The following CIZ1 variants were observed in gnomAD, a reference collection of about 807,000 sequenced individuals.
CIZ1 encodes CDKN1A interacting zinc finger protein 1.
Under a neutral mutation model 118.6 loss-of-function variants are expected in CIZ1, and 58 were observed. That is an observed-to-expected ratio of 0.49 (90% CI 0.40 to 0.61). CIZ1 has a LOEUF of 0.61. CIZ1 is among the 20% of genes least tolerant of loss of function. The probability of loss-of-function intolerance (pLI) is 0.00; values close to 1 mark genes in which losing one functional copy is unlikely to be tolerated. For missense variants in CIZ1, 921 were observed against 1,115.9 expected (o/e 0.83, Z 2.49); for synonymous variants, 448 against 443.4 (o/e 1.01, Z -0.13).
chr9:128,177,867 A>C (rs1324959763), intron 9 of CIZ1, 104 bp from the exon 10 acceptor site: 14 of 805,700 alleles, frequency 1.7e-5, no homozygotes, highest in Non-Finnish European at 2.6e-5. Flanking sequence ...CTTCCTGATG[A>C]TAGGGAAACT....
rs1831163494 is a variant in CIZ1, at chr9:128,178,575, C to G, written c.1499-85G>C. 2.5e-6 allele frequency: 4 copies of G among 1,604,066 alleles called. No homozygotes were observed. In the African/African-American group the frequency reaches 5.4e-5, roughly 22 times the overall value. On this transcript the variant is annotated intron_variant, in intron 8 of 16. Transcript: ENST00000372938. The stretch of plus-strand genomic sequence containing the variant: ...GTCCGCAGCCAGAACCTTGAGGCCC[C>G]CAGCATGGATGGCCCTGGACCTGGG...
chr9:128,191,755 C>T (rs919280418), upstream of CIZ1: 4 of 1,397,766 alleles, frequency 2.9e-6, no homozygotes, highest in African/African-American at 3.0e-5. This position sits in a 1 kb window ranked among gnomAD's most constrained non-coding sequence, Gnocchi z 5.5. Context: ...TCCTCCGCAT[C>T]GCGAAGGGGA....
intron 10 of CIZ1, 43 bp from the exon 11 acceptor site, chr9:128,176,518 C>T (rs774792813): frequency 5.6e-6 from 9 of 1,593,512 alleles, no homozygotes; most frequent in Non-Finnish European, 7.7e-6. Context: ...GGCGTGAGCC[C>T]AGAACAGTGG....
At chr9:128,192,676 G>A (rs1251686890), upstream of CIZ1, among the ~76,000 whole-genome samples, 1 of 152,186 alleles carries the variant, frequency 6.6e-6, no homozygotes, top group African/African-American at 2.4e-5. Flanking sequence ...CAGAATACCT[G>A]GGACTACAGG....
chr9:128,186,519 G>A (rs953751259), intron 4 of CIZ1, among the ~76,000 whole-genome samples: 20 of 152,130 alleles, frequency 1.3e-4, no homozygotes, highest in African/African-American at 4.6e-4. Flanking sequence ...TCCTTTGCCT[G>A]AATTCCAGCC....
intron 11 of CIZ1, 31 bp from the exon 12 acceptor site, chr9:128,170,138 G>A (rs758893781): frequency 2.1e-5 from 33 of 1,587,860 alleles, no homozygotes; most frequent in Non-Finnish European, 2.7e-5. Context: ...CAAGTACAAT[G>A]TGACGCCAGA....
At chr9:128,185,810 A>G in intron 4 of CIZ1, 34 bp from the exon 5 acceptor site, 1 of 1,498,210 alleles carries the variant, frequency 6.7e-7, no homozygotes, top group Non-Finnish European at 9.3e-7. Context: ...GAGGGGTCAC[A>G]ATGTGGTCGG....
chr9:128,191,573 G>A, upstream of CIZ1: 8 of 1,122,752 alleles, frequency 7.1e-6, no homozygotes, highest in Non-Finnish European at 6.5e-6. This position sits in a 1 kb window ranked among gnomAD's most constrained non-coding sequence, Gnocchi z 5.5. Context: ...GGCTCGTAAG[G>A]CCCAAATGCG....
At chr9:128,182,918 C>A (rs1831866393) in intron 5 of CIZ1, among the ~76,000 whole-genome samples, 1 of 152,096 alleles carries the variant, frequency 6.6e-6, no homozygotes, top group Non-Finnish European at 1.5e-5. Flanking sequence ...GTCATTGCAC[C>A]CGGCCTCCAC....
chr9:128,190,955 C>T (rs1833062570), intron 1 of CIZ1, 93 bp from the exon 2 acceptor site: 5 of 1,454,726 alleles, frequency 3.4e-6, no homozygotes, highest in Non-Finnish European at 4.5e-6. Context: ...AGCCACAGCC[C>T]GCAGAGACTG....
rs1018830112 is a variant in CIZ1, at chr9:128,203,423, G to C, written c.-6+763C>G. 7.1e-7 allele frequency: 1 copy of C among 1,403,444 alleles called. No individual in the cohort carries two copies. The highest frequency in any genetic ancestry group is 9.3e-7 in the Non-Finnish European group (1 of 1,075,826). The allele number at this position is 1,403,444 out of a possible 1,614,324, so 86.9% of individuals were successfully genotyped here. A position where few individuals can be genotyped will look rare whatever the true frequency, so the allele number is the denominator to read the frequency against. ...AGCGGCGGAGCCGGAGTCGGAGCCGGGAGCGCTAGCGGCAGCCGGATCGCA... is the reference window on the plus strand; with the variant it reads ...AGCGGCGGAGCCGGAGTCGGAGCCGCGAGCGCTAGCGGCAGCCGGATCGCA... On this transcript the variant is annotated intron_variant, in intron 1 of 17. Coordinates refer to the CIZ1 transcript ENST00000372948. The surrounding 1 kb of genome is among the most constrained non-coding windows in gnomAD (Gnocchi z 5.3).
At chr9:128,185,493 G>A in intron 5 of CIZ1, 54 bp downstream of exon 5, 1 of 1,235,624 alleles carries the variant, frequency 8.1e-7, no homozygotes, top group Non-Finnish European at 1.1e-6. Flanking sequence ...GGTGGCACTG[G>A]GGCTGACACC....
chr9:128,203,730 C>A lies in CIZ1; in HGVS notation c.-6+456G>T. On this transcript the variant is annotated intron_variant, in intron 1 of 17. Coordinates refer to the CIZ1 transcript ENST00000372948. The surrounding 1 kb of genome is among the most constrained non-coding windows in gnomAD (Gnocchi z 5.3). ...GGCGCGGCGACCTCGCAGCCCCCGACGCTGCACCCGCGGCCGGCGCGCCCC... is the reference window on the plus strand; with the variant it reads ...GGCGCGGCGACCTCGCAGCCCCCGAAGCTGCACCCGCGGCCGGCGCGCCCC... The A allele has an allele frequency of 8.7e-7, 1 of 1,152,760 alleles. No individual in the cohort carries two copies. Among genetic ancestry groups the A allele is most frequent in the Middle Eastern group, 3.4e-4 (1 of 2,974 alleles). The allele number at this position is 1,152,760 out of a possible 1,614,324, so 71.4% of individuals were successfully genotyped here.
At chr9:128,177,490 A>G (rs1831007048) in intron 10 of CIZ1, 76 bp downstream of exon 10, 1 of 1,048,812 alleles carries the variant, frequency 9.5e-7, no homozygotes, top group Non-Finnish European at 1.3e-6. Flanking sequence ...TTGCAGCCTG[A>G]GGCATTCTTG....
intron 11 of CIZ1, among the ~76,000 whole-genome samples, chr9:128,173,366 C>G (rs1164426429): frequency 6.6e-6 from 1 of 151,706 alleles, no homozygotes; most frequent in Non-Finnish European, 1.5e-5. Flanking sequence ...ATGATGGTCT[C>G]GATCTCCTGA....
chr9:128,169,656 C>T (rs951750818), intron 12 of CIZ1, 137 bp from the exon 13 acceptor site: 17 of 1,541,394 alleles, frequency 1.1e-5, no homozygotes, highest in Admixed American at 3.9e-5. Context: ...TGCTCCACCC[C>T]TGCACTGGAA....
At position 128,203,317 on chromosome 9, in the gene CIZ1, A is replaced by C; in HGVS notation, c.-6+869T>G. 5.4e-6 allele frequency: 3 copies of C among 554,486 alleles called. No individual in the cohort carries two copies. Among genetic ancestry groups the C allele is most frequent in the Non-Finnish European group, 2.5e-6 (1 of 404,422 alleles). The allele number at this position is 554,486 out of a possible 1,614,324, so 34.3% of individuals were successfully genotyped here. ...GCCCGCAGCGCCGCGGGCTCCCCCT[A>C]GCGGCGTCCGGGAGCGGTGCTCGCT... On this transcript the variant is annotated intron_variant, in intron 1 of 17. Coordinates refer to the CIZ1 transcript ENST00000372948. This position sits in a 1 kb window ranked among gnomAD's most constrained non-coding sequence, Gnocchi z 5.3.
chr9:128,166,504 G>T lies in CIZ1; in HGVS notation c.2488-98C>A. 9.1e-7 allele frequency: 1 copy of T among 1,102,130 alleles called. No individual in the cohort carries two copies. The highest frequency in any genetic ancestry group is 1.3e-6 in the Non-Finnish European group (1 of 774,910). 68.3% of individuals were successfully genotyped at this position (1,102,130 alleles called of 1,614,324 possible). ...CCCAGCTCTGGCTGAGACAGTATTA[G>T]TGTGCTCTGTGACCCTGCGTGATGC... On this transcript the variant is annotated intron_variant, in intron 16 of 16. Coordinates refer to ENST00000372938, the MANE Select transcript of CIZ1 (RefSeq NM_001131016.2). This position sits in a 1 kb window ranked among gnomAD's most constrained non-coding sequence, Gnocchi z 4.4.
chr9:128,198,117 G>A (rs564127387), intron 1 of CIZ1: 1 of 152,414 alleles, frequency 6.6e-6, no homozygotes, highest in South Asian at 2.1e-4. Flanking sequence ...TGGACTGCCA[G>A]AGCCCCAAAG....
Sources: gnomAD v4.1 joint callset for allele counts (sites outside exome capture counted in the v4.1 genomes callset) on GRCh38, gnomAD v4.1.1 for gene constraint, Gnocchi (gnomAD v3.1) non-coding constraint, MANE v1.5 for transcripts, NCBI Gene and HGNC (gene_info 2026-07-23, HGNC 2026-07-21) for gene names.